The following RALYL variants were observed in gnomAD, a reference collection of about 807,000 sequenced individuals.
RALYL encodes the protein RALY RNA binding protein like, also known as RNA-binding Raly-like protein.
A neutral mutation model predicts 35.1 loss-of-function variants in RALYL; 29 were observed. That is an observed-to-expected ratio of 0.83 (90% CI 0.61 to 1.13). The LOEUF is 1.13. RALYL is among the 50% of genes most tolerant of loss of function. The pLI is 0.00. For missense variants in RALYL, 359 were observed against 360.4 expected, an observed-to-expected ratio of 1.00 and a Z score of 0.03; for synonymous variants, 120 against 127.6, an observed-to-expected ratio of 0.94 and a Z score of 0.40.
chr8:84,222,606 T>G (rs1420924480), intron 1 of RALYL, among the ~76,000 whole-genome samples: 1 of 152,124 alleles, frequency 6.6e-6, no homozygotes, highest in Non-Finnish European at 1.5e-5. Flanking sequence ...AGACGGCACA[T>G]GACTGCCTGT....
chr8:84,491,553 A>G (rs1380859317), intron 1 of RALYL, among the ~76,000 whole-genome samples: 3 of 151,910 alleles, frequency 2.0e-5, no homozygotes, highest in Non-Finnish European at 4.4e-5. Context: ...GATTCCTACT[A>G]ATGTTTCAAG....
intron 3 of RALYL, among the ~76,000 whole-genome samples, chr8:84,776,663 T>TC (rs972281355): frequency 6.6e-6 from 1 of 152,146 alleles, no homozygotes; most frequent in Non-Finnish European, 1.5e-5. Context: ...CAATGGCTTT[T>TC]TTTTATCATC....
At chr8:84,333,361 T>C (rs1042815557) in intron 1 of RALYL, among the ~76,000 whole-genome samples, 8 of 152,148 alleles carry the variant, frequency 5.3e-5, no homozygotes, top group Non-Finnish European at 1.0e-4. Context: ...ACACACTGTG[T>C]TAGGCACAGT....
chr8:84,525,695 A>G (rs2058826461), intron 1 of RALYL, among the ~76,000 whole-genome samples: 1 of 151,996 alleles, frequency 6.6e-6, no homozygotes, highest in Admixed American at 6.6e-5. Flanking sequence ...CATTTTACAT[A>G]TTCTCTATTT....
chr8:84,780,462 A>T (rs542089554), intron 3 of RALYL, among the ~76,000 whole-genome samples: 1 of 152,248 alleles, frequency 6.6e-6, no homozygotes, highest in East Asian at 1.9e-4. Flanking sequence ...ATATCCATAC[A>T]TCTGGGTAAT....
At chr8:84,526,646 A>G (rs1163202545) in intron 1 of RALYL, among the ~76,000 whole-genome samples, 2 of 152,206 alleles carry the variant, frequency 1.3e-5, no homozygotes, top group African/African-American at 4.8e-5. Context: ...CTTTGTCTGC[A>G]TAGCTCTCTT....
chr8:84,788,707 C>T (rs572732409), intron 3 of RALYL, among the ~76,000 whole-genome samples: 41 of 152,282 alleles, frequency 2.7e-4, no homozygotes, highest in Admixed American at 2.6e-3. Context: ...AGGCATAGTT[C>T]CTACTAGAGC....
intron 1 of RALYL, among the ~76,000 whole-genome samples, chr8:84,435,518 C>T (rs923821687): frequency 3.3e-5 from 5 of 152,066 alleles, no homozygotes; most frequent in African/African-American, 1.2e-4. Context: ...TTTTAATGAA[C>T]TCTAGAGACA....
chr8:84,829,042 A>G (rs1830311299), intron 4 of RALYL: 2 of 152,252 alleles, frequency 1.3e-5, no homozygotes, highest in Non-Finnish European at 2.9e-5. Context: ...ATAAAGAGAA[A>G]GAGTTTTAAT....
chr8:84,843,730 A>G (rs1486853523), intron 4 of RALYL, among the ~76,000 whole-genome samples: 1 of 152,210 alleles, frequency 6.6e-6, no homozygotes, highest in Non-Finnish European at 1.5e-5. Context: ...CTACAAGACT[A>G]CAGTAACCAA....
At chr8:84,478,978 C>CGG (rs2053749535) in intron 1 of RALYL, among the ~76,000 whole-genome samples, 1 of 141,458 alleles carries the variant, frequency 7.1e-6, no homozygotes, top group Admixed American at 7.3e-5. Context: ...CCCAGCTACT[C>CGG]GGGAGGCTGA....
intron 1 of RALYL, among the ~76,000 whole-genome samples, chr8:84,274,113 A>T: frequency 6.6e-6 from 1 of 152,168 alleles, no homozygotes; most frequent in East Asian, 1.9e-4. Flanking sequence ...TGCCTAGAAT[A>T]ACATTTTACT....
intron 1 of RALYL, among the ~76,000 whole-genome samples, chr8:84,269,414 G>A (rs1301828164): frequency 6.6e-6 from 1 of 152,146 alleles, no homozygotes; most frequent in East Asian, 1.9e-4. Context: ...TGAATCAGAG[G>A]TAGAATTTTT....
chr8:84,878,773 AC>A (rs1841668095), intron 7 of RALYL, among the ~76,000 whole-genome samples: 1 of 151,584 alleles, frequency 6.6e-6, no homozygotes, highest in African/African-American at 2.4e-5. Context: ...AATTGGAAAA[AC>A]TCTCCCAGAA....
At chr8:84,359,397 G>T (rs1401073307) in intron 1 of RALYL, among the ~76,000 whole-genome samples, 2 of 151,840 alleles carry the variant, frequency 1.3e-5, no homozygotes, top group African/African-American at 4.8e-5. Context: ...CAGGGTCAAA[G>T]ATAAATTTGT....
chr8:84,706,658 T>C (rs142247899), intron 2 of RALYL, among the ~76,000 whole-genome samples: 40 of 152,280 alleles, frequency 2.6e-4, no homozygotes, highest in African/African-American at 9.4e-4. Context: ...CTAAAGGAAC[T>C]GATTCTGGCT....
intron 2 of RALYL, among the ~76,000 whole-genome samples, chr8:84,550,357 C>T (rs13264793): frequency 0.4 from 60,562 of 151,848 alleles, 12,111 homozygotes; most frequent in South Asian, 0.51. Context: ...CTACAATTAA[C>T]AGTAAAGATA....
At chr8:84,758,500 GCCA>G (rs1405633161) in intron 2 of RALYL, among the ~76,000 whole-genome samples, 5 of 152,162 alleles carry the variant, frequency 3.3e-5, no homozygotes, top group Non-Finnish European at 7.3e-5. Flanking sequence ...TCCTAAGGCT[GCCA>G]CCAAGTTGTT....
chr8:84,403,463 G>C (rs532066918), intron 1 of RALYL, among the ~76,000 whole-genome samples: 1 of 147,234 alleles, frequency 6.8e-6, no homozygotes, highest in Admixed American at 6.8e-5. Context: ...AAGATTAGAT[G>C]GTTGTAGATG....
Sources: gnomAD v4.1 joint callset for allele counts (sites outside exome capture counted in the v4.1 genomes callset) on GRCh38, gnomAD v4.1.1 for gene constraint, MANE v1.5 for transcripts, NCBI Gene and HGNC (gene_info 2026-07-23, HGNC 2026-07-21) for gene names.